The following KDM6A variants were observed in gnomAD, a reference collection of about 807,000 sequenced individuals.
KDM6A encodes the protein lysine-specific demethylase 6A.
Under a neutral mutation model 117.6 loss-of-function variants are expected in KDM6A, and 11 were observed. The observed-to-expected ratio is 0.09, with a 90% confidence interval of 0.06 to 0.15. The LOEUF (loss-of-function observed/expected upper bound fraction) is 0.15, where lower values mean the gene tolerates loss of function less well. Ranked by LOEUF, KDM6A falls within the 10% of genes least tolerant of loss-of-function variation. The probability of loss-of-function intolerance (pLI) is 1.00; values close to 1 mark genes in which losing one functional copy is unlikely to be tolerated. For synonymous variants in KDM6A, 384 were observed against 396.1 expected (o/e 0.97, Z 0.36); for missense variants, 799 against 1,077.3 (o/e 0.74, Z 3.62).
chrX:44,877,901 A>G (rs1438746804), intron 2 of KDM6A, among the ~76,000 whole-genome samples: 3 of 111,553 alleles, frequency 2.7e-5, no homozygotes, highest in African/African-American at 6.5e-5. Context: ...TTTTTTTGAT[A>G]ATAGAAGTAG....
intron 17 of KDM6A, among the ~76,000 whole-genome samples, chrX:45,066,568 G>A (rs1429075763): frequency 8.9e-6 from 1 of 111,835 alleles, no homozygotes; most frequent in Non-Finnish European, 1.9e-5. Flanking sequence ...TTAAACAGTT[G>A]TTAAAAGGAT....
chrX:45,006,346 A>G (rs60393034), intron 4 of KDM6A, among the ~76,000 whole-genome samples: 23,314 of 108,384 alleles, frequency 0.22, 4,314 homozygotes, highest in African/African-American at 0.6. Flanking sequence ...ATAAAGTTTC[A>G]GTGCTGCAAA....
rs761873454 is a variant in KDM6A at position 45,046,996 on chromosome X, G to T, written c.655-4713G>T. Among the ~76,000 whole-genome samples, 231 of 109,992 alleles carry T rather than the reference G, an allele frequency of 2.1e-3. 2 individuals are homozygous for T. Among genetic ancestry groups the T allele is most frequent in the African/African-American group, 7.5e-3 (225 of 30,119 alleles). On this transcript the variant is annotated intron_variant, in intron 8 of 29. Transcript: ENST00000611820. ...GGTGGTGATGATGGTGGTGGTGGTG[G>T]TGGTGGTGGTGGTTTGGAGTGTCTA...
chrX:45,040,000 TGG>T (rs2042995109), intron 8 of KDM6A, among the ~76,000 whole-genome samples: 1 of 63,866 alleles, frequency 1.6e-5, no homozygotes, highest in African/African-American at 6.0e-5. Context: ...ATTGTCATCA[TGG>T]CCCATCCCCA....
chrX:45,016,486 TA>T (rs2041971199), intron 5 of KDM6A, among the ~76,000 whole-genome samples: 4 of 109,523 alleles, frequency 3.7e-5, no homozygotes, highest in African/African-American at 1.3e-4. Context: ...TGTATGTATG[TA>T]TGTATGTATG....
chrX:45,001,114 A>G (rs2041125439), intron 4 of KDM6A, among the ~76,000 whole-genome samples: 1 of 112,038 alleles, frequency 8.9e-6, no homozygotes, highest in African/African-American at 3.2e-5. Context: ...AGGTTTTGGA[A>G]GGAGGCTTAG....
chrX:44,890,780 G>T (rs2033290814), intron 2 of KDM6A, among the ~76,000 whole-genome samples: 1 of 103,107 alleles, frequency 9.7e-6, no homozygotes, highest in African/African-American at 3.6e-5. Context: ...TCTGCCTCCT[G>T]AGTAGCTGGG....
At chrX:45,064,012 C>T (rs1602824167) in intron 17 of KDM6A, among the ~76,000 whole-genome samples, 195 bp downstream of exon 17, 1 of 111,565 alleles carries the variant, frequency 9.0e-6, no homozygotes, top group Non-Finnish European at 1.9e-5. Context: ...ACAGTCTCTA[C>T]CGACATAGAT....
At chrX:45,108,303 G>A in intron 28 of KDM6A, among the ~76,000 whole-genome samples, 1 of 111,482 alleles carries the variant, frequency 9.0e-6, no homozygotes. Flanking sequence ...CGATTTGGCT[G>A]GAACACAGAC....
rs770455502 is a variant in KDM6A at position 44,941,532 on chromosome X, G to A, written c.226-19752G>A. On this transcript the variant is annotated intron_variant, in intron 2 of 29. Coordinates refer to ENST00000611820, the MANE Select transcript of KDM6A (RefSeq NM_001291415.2). ...GTCTCGCTGTGTTGCCCAGGCTGGA[G>A]TGCAGTGGCACGATCTCGGCTCACT... 2.9e-5 allele frequency among the ~76,000 whole-genome samples: 3 copies of A among 104,732 alleles called. No homozygotes were observed. In the East Asian group the frequency reaches 9.0e-4, roughly 31 times the overall value. The allele number at this position is 104,732 out of a possible 115,157, so 90.9% of individuals were successfully genotyped here.
At chrX:44,993,088 G>C (rs182496779) in intron 4 of KDM6A, among the ~76,000 whole-genome samples, 27 of 111,729 alleles carry the variant, frequency 2.4e-4, no homozygotes, top group African/African-American at 8.1e-4. Context: ...TCAGCTTCTG[G>C]TAAGGTCAAA....
intron 8 of KDM6A, among the ~76,000 whole-genome samples, chrX:45,041,711 G>T (rs1278064963): frequency 9.4e-5 from 10 of 106,705 alleles, no homozygotes; most frequent in Non-Finnish European, 1.8e-4. Flanking sequence ...GGGAAGAGGC[G>T]CTCCTCGCTT....
chrX:44,947,458 C>T (rs1343805236), intron 2 of KDM6A, among the ~76,000 whole-genome samples: 1 of 108,251 alleles, frequency 9.2e-6, no homozygotes, highest in Non-Finnish European at 1.9e-5. Flanking sequence ...TCACTGCAAG[C>T]TCCGCCTCCC....
chrX:44,920,877 C>CTTTTTTTTTTT (rs778080296), intron 2 of KDM6A, among the ~76,000 whole-genome samples: 2 of 81,492 alleles, frequency 2.5e-5, no homozygotes. Context: ...TTTTCTTTTT[C>CTTTTTTTTTTT]TTTTTTTTTT....
intron 4 of KDM6A, among the ~76,000 whole-genome samples, chrX:45,002,890 A>G (rs866562612): frequency 1.6e-4 from 12 of 75,930 alleles, no homozygotes; most frequent in Non-Finnish European, 2.3e-4. Flanking sequence ...TTCTTCTCCA[A>G]AGTGAACTTC....
chrX:44,911,183 TCCCGGACGGGGTGGCTGC>T (rs1280863406), intron 2 of KDM6A, among the ~76,000 whole-genome samples: 2 of 106,491 alleles, frequency 1.9e-5, no homozygotes, highest in Non-Finnish European at 3.9e-5. Flanking sequence ...GCCCCCCACC[TCCCGGACGGGGTGGCTGC>T]CGGGCGGAGA....
At chrX:44,890,657 T>A (rs1304189280) in intron 2 of KDM6A, among the ~76,000 whole-genome samples, 4 of 90,655 alleles carry the variant, frequency 4.4e-5, no homozygotes, top group Non-Finnish European at 8.8e-5. Context: ...TTTTTTTTTT[T>A]TTTTTTTTTT....
chrX:45,094,384 TGAG>T (rs1168681099), intron 27 of KDM6A, among the ~76,000 whole-genome samples: 1 of 111,378 alleles, frequency 9.0e-6, no homozygotes, highest in Non-Finnish European at 1.9e-5. Context: ...TGGGTGAAAA[TGAG>T]GAGGCAGGGA....
At chrX:45,107,707 A>G (rs1163894449) in intron 28 of KDM6A, among the ~76,000 whole-genome samples, 171 bp downstream of exon 28, 2 of 112,339 alleles carry the variant, frequency 1.8e-5, no homozygotes, top group African/African-American at 6.5e-5. Flanking sequence ...TCAGTGTGAT[A>G]ATAATGATAT....
Sources: allele counts gnomAD v4.1 joint callset (sites outside exome capture counted in the v4.1 genomes callset), GRCh38; gene constraint gnomAD v4.1.1; transcripts MANE v1.5; gene names NCBI Gene and HGNC (gene_info 2026-07-23, HGNC 2026-07-21).